TMEM120B: variants seen among roughly 807,000 people sequenced by gnomAD.
TMEM120B encodes the protein transmembrane protein 120B.
Under a neutral mutation model 55.5 loss-of-function variants are expected in TMEM120B, and 31 were observed. The observed-to-expected ratio is 0.56, with a 90% CI of 0.42 to 0.75. The LOEUF (loss-of-function observed/expected upper bound fraction) is 0.75. Ranked by LOEUF, TMEM120B falls within the 30% of genes least tolerant of loss-of-function variation. TMEM120B has a pLI of 0.00. For synonymous variants in TMEM120B, 203 were observed against 176.3 expected, an observed-to-expected ratio of 1.15 and a Z score of -1.20; for missense variants, 399 against 425.5, an observed-to-expected ratio of 0.94 and a Z score of 0.55.
intron 1 of TMEM120B, among the ~76,000 whole-genome samples, chr12:121,721,692 ACTC>A (rs1894791477): frequency 7.4e-6 from 1 of 134,416 alleles, no homozygotes; most frequent in East Asian, 2.2e-4. Flanking sequence ...CTGGTCTTGA[ACTC>A]CTAACCTCGT....
intron 5 of TMEM120B, among the ~76,000 whole-genome samples, chr12:121,757,520 A>ATTTT (rs560745429): frequency 3.0e-5 from 3 of 98,464 alleles, no homozygotes; most frequent in African/African-American, 7.4e-5. Flanking sequence ...TATTATTATT[A>ATTTT]TTTATTTTTT....
At chr12:121,773,302 G>C (rs559950301) in intron 8 of TMEM120B, 119 bp from the exon 9 acceptor site, 37 of 836,742 alleles carry the variant, frequency 4.4e-5, no homozygotes, top group Non-Finnish European at 6.2e-5. Context: ...TTGTAACCAG[G>C]GCACCCTTTC....
intron 5 of TMEM120B, among the ~76,000 whole-genome samples, chr12:121,760,080 G>A (rs890048153): frequency 6.9e-6 from 1 of 144,484 alleles, no homozygotes; most frequent in Non-Finnish European, 1.5e-5. Flanking sequence ...GCAGTAAGCC[G>A]AGATCACGCC....
At chr12:121,763,048 TCTAAG>T (rs1476665862) in intron 6 of TMEM120B, among the ~76,000 whole-genome samples, 1 of 152,036 alleles carries the variant, frequency 6.6e-6, no homozygotes, top group Non-Finnish European at 1.5e-5. Flanking sequence ...CCTGCCTGCC[TCTAAG>T]CTGAGTCTTG....
At chr12:121,774,343 A>T (rs996318780) in intron 9 of TMEM120B, among the ~76,000 whole-genome samples, 1 of 152,190 alleles carries the variant, frequency 6.6e-6, no homozygotes, top group Admixed American at 6.5e-5. Context: ...GAACTAATGC[A>T]TGTGAAAATT....
chr12:121,746,160 C>T lies in TMEM120B; in HGVS notation c.189-2166C>T, dbSNP rs188192388. ...ACAGGCATGAGCCACCACACCCAGC[C>T]CCTGGTTGTTTTCTTAAACCGCCCC... On this transcript the variant is annotated intron_variant, in intron 2 of 11. Coordinates refer to ENST00000449592, the MANE Select transcript of TMEM120B (RefSeq NM_001080825.2). Among the ~76,000 whole-genome samples the T allele has an allele frequency of 6.0e-3, 903 of 151,594 alleles. 5 individuals carry two copies. The highest frequency in any genetic ancestry group is 0.011 in the Non-Finnish European group (724 of 67,870).
chr12:121,750,193 C>T (rs933873974), intron 3 of TMEM120B, among the ~76,000 whole-genome samples, 187 bp from the exon 4 acceptor site: 2 of 151,928 alleles, frequency 1.3e-5, no homozygotes, highest in African/African-American at 4.8e-5. Context: ...TGTCCTGTCA[C>T]AGGTTAATGT....
At chr12:121,713,079 A>T in intron 1 of TMEM120B, 115 bp downstream of exon 1, 3 of 838,484 alleles carry the variant, frequency 3.6e-6, no homozygotes, top group Non-Finnish European at 5.3e-6. Flanking sequence ...AGTGCCCCGG[A>T]GAGGCCCTGG....
rs755968251 is a variant in TMEM120B, at chr12:121,758,967, G to T, written c.462-2682G>T. 662 of 985,464 alleles carry T rather than the reference G, an allele frequency of 6.7e-4. 1 individual carries two copies. Among genetic ancestry groups the T allele is most frequent in the Admixed American group, 9.2e-4 (15 of 16,274 alleles). The allele number at this position is 985,464 out of a possible 1,614,324, so 61.0% of individuals were successfully genotyped here. On this transcript the variant is annotated intron_variant, in intron 5 of 11. Coordinates refer to ENST00000449592, the MANE Select transcript of TMEM120B (RefSeq NM_001080825.2). The stretch of plus-strand genomic sequence containing the variant: ...AGCCCCGCGCTGTGGTCACCATGGA[G>T]GAGGAAAAGGAGTTCTTCAGTTAGT...
intron 1 of TMEM120B, among the ~76,000 whole-genome samples, chr12:121,739,077 C>T (rs1017969957): frequency 1.3e-5 from 2 of 152,140 alleles, no homozygotes; most frequent in Admixed American, 6.6e-5. Context: ...ATCCCAGCTA[C>T]TTGGGAGGCT....
intron 9 of TMEM120B, 51 bp downstream of exon 9, chr12:121,773,564 C>T (rs768891053): frequency 2.9e-5 from 40 of 1,401,056 alleles, no homozygotes; most frequent in Middle Eastern, 2.2e-4. Flanking sequence ...GACCTGCCAG[C>T]TCCCCACACC....
intron 6 of TMEM120B, among the ~76,000 whole-genome samples, chr12:121,769,715 C>T (rs915778800): frequency 4.0e-5 from 6 of 148,422 alleles, no homozygotes; most frequent in Admixed American, 1.3e-4. Flanking sequence ...AAAGAGAAAA[C>T]GTGTGTGTGT....
intron 1 of TMEM120B, among the ~76,000 whole-genome samples, chr12:121,739,675 T>C (rs1191928103): frequency 6.6e-6 from 1 of 151,976 alleles, no homozygotes; most frequent in Non-Finnish European, 1.5e-5. Flanking sequence ...TTTCACCATG[T>C]TGACCAGGCT....
intron 5 of TMEM120B, among the ~76,000 whole-genome samples, chr12:121,753,167 A>G (rs1592939738): frequency 1.3e-5 from 2 of 152,146 alleles, no homozygotes; most frequent in Non-Finnish European, 2.9e-5. Flanking sequence ...TGCAGCATGG[A>G]TGAACCTTGA....
chr12:121,726,346 G>A (rs571828228), intron 1 of TMEM120B, among the ~76,000 whole-genome samples: 7 of 151,086 alleles, frequency 4.6e-5, no homozygotes, highest in South Asian at 2.1e-4. Flanking sequence ...TTGGGAGGCC[G>A]ATGCAGGTGG....
In TMEM120B at chr12:121,779,942, T is replaced by G. The variant is rs1874386944; in HGVS notation, c.*4220T>G. On this transcript the variant is annotated 3_prime_UTR_variant, in exon 12 of 12. Coordinates refer to ENST00000449592, the MANE Select transcript of TMEM120B (RefSeq NM_001080825.2). ...GCTGAATCCTGAGACCCGGGGTTGG[T>G]TCCCCCAGGTGTCTCCCAGGCCTGT... 2.1e-5 allele frequency: 6 copies of G among 288,984 alleles called. No individual in the cohort carries two copies. The highest frequency in any genetic ancestry group is 3.0e-5 in the Non-Finnish European group (5 of 166,214). The allele number at this position is 288,984 out of a possible 1,614,324, so 17.9% of individuals were successfully genotyped here. A position where few individuals can be genotyped will look rare whatever the true frequency, so the allele number is the denominator to read the frequency against.
chr12:121,739,111 C>T lies in TMEM120B; in HGVS notation c.70-4518C>T, dbSNP rs533272343. 1.4e-4 allele frequency among the ~76,000 whole-genome samples: 21 copies of T among 152,200 alleles called. No individual in the cohort carries two copies. In the East Asian group the frequency reaches 2.5e-3, roughly 18 times the overall value. ...CTGAGGCAGGAGAATTGCTTGAACC[C>T]GGGAGGCAGAGGTTGCAGTGAGCCA... On this transcript the variant is annotated intron_variant, in intron 1 of 11. Coordinates refer to ENST00000449592, the MANE Select transcript of TMEM120B (RefSeq NM_001080825.2).
intron 1 of TMEM120B, among the ~76,000 whole-genome samples, chr12:121,730,819 A>C (rs1055996695): frequency 6.6e-6 from 1 of 151,394 alleles, no homozygotes; most frequent in Non-Finnish European, 1.5e-5. Flanking sequence ...TTAGCTGGGC[A>C]TGGTGGCACA....
chr12:121,761,837 TCTC>T, intron 6 of TMEM120B, 99 bp downstream of exon 6: 1 of 905,968 alleles, frequency 1.1e-6, no homozygotes, highest in Non-Finnish European at 1.8e-6. Flanking sequence ...GCTGCATTCC[TCTC>T]CTCCTTGGGG....
Sources: allele counts gnomAD v4.1 joint callset (sites outside exome capture counted in the v4.1 genomes callset), GRCh38; gene constraint gnomAD v4.1.1; transcripts MANE v1.5; gene names NCBI Gene and HGNC (gene_info 2026-07-23, HGNC 2026-07-21).